The following FER variants were observed in gnomAD, a reference collection of about 807,000 sequenced individuals.
FER encodes the protein tyrosine-protein kinase Fer.
FER carries 63 observed loss-of-function variants against 111.0 expected under a neutral mutation model. The observed-to-expected ratio is 0.57, with a 90% CI of 0.46 to 0.70. The LOEUF (loss-of-function observed/expected upper bound fraction) is 0.70. FER is among the 30% of genes least tolerant of loss of function. FER has a pLI of 0.00. For missense variants in FER, 914 were observed against 954.0 expected (o/e 0.96, Z 0.55); for synonymous variants, 327 against 313.9 (o/e 1.04, Z -0.44).
intron 4 of FER, among the ~76,000 whole-genome samples, chr5:108,835,175 G>A (rs555537761): frequency 1.5e-4 from 15 of 98,616 alleles, no homozygotes; most frequent in African/African-American, 3.5e-4. Flanking sequence ...TTATTTCTTC[G>A]TTTGCGCCAC....
intron 5 of FER, among the ~76,000 whole-genome samples, chr5:108,848,080 A>C (rs556589002): frequency 6.6e-6 from 1 of 152,126 alleles, no homozygotes; most frequent in East Asian, 1.9e-4. Flanking sequence ...GGGTTTCGCC[A>C]TCTTCCCTAG....
chr5:108,888,969 A>G (rs1282272422), intron 9 of FER, among the ~76,000 whole-genome samples: 2 of 151,922 alleles, frequency 1.3e-5, no homozygotes, highest in African/African-American at 4.8e-5. Context: ...TGGTATTAAG[A>G]TAGTGTCTCT....
In FER at chr5:109,186,892, G is replaced by A. The variant is rs1472082273; in HGVS notation, c.2327-541G>A. 3.3e-5 allele frequency among the ~76,000 whole-genome samples: 5 copies of A among 152,324 alleles called. No homozygotes were observed. In the East Asian group the frequency reaches 9.6e-4, roughly 29 times the overall value. On this transcript the variant is annotated intron_variant, in intron 19 of 19. Coordinates refer to ENST00000281092, the MANE Select transcript of FER (RefSeq NM_005246.4). ...AGTGAGGGGCATGGTTGTAGAAGTG[G>A]ATGAAGGAAGATGCCTTTCTAACTT... is the stretch of plus-strand genomic sequence containing the variant.
intron 9 of FER, among the ~76,000 whole-genome samples, chr5:108,891,983 A>G (rs1404705017): frequency 1.3e-5 from 2 of 152,274 alleles, no homozygotes; most frequent in Admixed American, 6.5e-5. Context: ...TGTCCCTACA[A>G]AGGACATGAA....
rs1014124425 is a variant in FER at position 108,760,681 on chromosome 5, C to T, written c.-205-7412C>T. ...GTCTTCTGAAGCTTCCTCACCTCAC[C>T]CAGACTTCATAGAATTGAAGAGAGT... On this transcript the variant is annotated intron_variant, in intron 1 of 19. Coordinates refer to ENST00000281092, the MANE Select transcript of FER (RefSeq NM_005246.4). Among the ~76,000 whole-genome samples the T allele has an allele frequency of 9.2e-5, 14 of 152,296 alleles. No individual in the cohort carries two copies. The East Asian group carries it at 1.9e-3, about 21-fold the overall frequency.
At position 109,188,950 on chromosome 5, in the gene FER, T is replaced by G. The variant is rs1759170424; in HGVS notation, c.*1375T>G. The G allele has an allele frequency of 1.3e-5, 2 of 152,216 alleles. No individual in the cohort carries two copies. Among genetic ancestry groups the G allele is most frequent in the Admixed American group, 1.3e-4 (2 of 15,282 alleles). The allele number at this position is 152,216 out of a possible 1,614,324, so 9.4% of individuals were successfully genotyped here. ...ACACCACCAAGGTGCAAGACAGATG[T>G]GAATGAAGTAGACAGTCTAGAAGTC... On this transcript the variant is annotated 3_prime_UTR_variant, in exon 20 of 20. Transcript: ENST00000281092.
At chr5:108,800,077 A>T (rs1180575284) in intron 3 of FER, among the ~76,000 whole-genome samples, 1 of 151,916 alleles carries the variant, frequency 6.6e-6, no homozygotes, top group Non-Finnish European at 1.5e-5. Flanking sequence ...TCCTGACCTC[A>T]AATGATCTAC....
At position 109,143,883 on chromosome 5, in the gene FER, A is replaced by C. The variant is rs543449423; in HGVS notation, c.2049-36864A>C. 9.3e-5 allele frequency among the ~76,000 whole-genome samples: 14 copies of C among 150,646 alleles called. No individual in the cohort carries two copies. The East Asian group carries it at 1.9e-3, about 21-fold the overall frequency. On this transcript the variant is annotated intron_variant, in intron 17 of 19. Transcript: ENST00000281092. Reference sequence around the variant, plus strand: ...ATATATATTTATATAAAATATATATATATCTATCTTGGGGTCAGCACCTTT... The same window carrying C: ...ATATATATTTATATAAAATATATATCTATCTATCTTGGGGTCAGCACCTTT...
chr5:109,164,070 A>AG (rs1756285870), intron 17 of FER, among the ~76,000 whole-genome samples: 1 of 152,210 alleles, frequency 6.6e-6, no homozygotes. Context: ...ACATTTAAAA[A>AG]TAATGTTTGA....
intron 11 of FER, among the ~76,000 whole-genome samples, 200 bp from the exon 12 acceptor site, chr5:108,954,524 TAAAAC>T (rs1758177183): frequency 6.6e-6 from 1 of 152,068 alleles, no homozygotes; most frequent in Non-Finnish European, 1.5e-5. Flanking sequence ...GTATGATAGA[TAAAAC>T]AAAGTGTTGA....
intron 10 of FER, among the ~76,000 whole-genome samples, chr5:108,933,474 C>A (rs1015801654): frequency 6.6e-6 from 1 of 152,100 alleles, no homozygotes; most frequent in African/African-American, 2.4e-5. Flanking sequence ...GGTACCAGTA[C>A]CATGCTGTTT....
chr5:108,987,441 C>T (rs910211756), intron 13 of FER, among the ~76,000 whole-genome samples: 1 of 151,840 alleles, frequency 6.6e-6, no homozygotes, highest in Non-Finnish European at 1.5e-5. Flanking sequence ...AGCAAAACTC[C>T]ATCTCAAAAA....
intron 13 of FER, among the ~76,000 whole-genome samples, chr5:108,998,475 G>A (rs997189643): frequency 5.3e-5 from 8 of 152,096 alleles, no homozygotes; most frequent in South Asian, 2.1e-4. Flanking sequence ...TCCATTGGCC[G>A]CACCCACTGT....
chr5:109,065,394 A>G (rs890228012), intron 16 of FER, among the ~76,000 whole-genome samples: 6 of 152,212 alleles, frequency 3.9e-5, no homozygotes, highest in Admixed American at 3.9e-4. Context: ...AATAAAAGCC[A>G]TGATCTGGTC....
chr5:109,021,348 A>T (rs1767899791), intron 13 of FER, among the ~76,000 whole-genome samples: 1 of 152,044 alleles, frequency 6.6e-6, no homozygotes, highest in Non-Finnish European at 1.5e-5. Flanking sequence ...TGAAATCAAC[A>T]AACTTCTATG....
At chr5:108,806,226 C>T (rs13355571) in intron 3 of FER, among the ~76,000 whole-genome samples, 34,954 of 152,218 alleles carry the variant, frequency 0.23, 4,211 homozygotes, top group African/African-American at 0.28. Context: ...TGCCAGTGCA[C>T]AGAAGTCAAG....
intron 16 of FER, among the ~76,000 whole-genome samples, chr5:109,049,659 G>A (rs1203539845): frequency 1.3e-5 from 2 of 152,074 alleles, no homozygotes; most frequent in African/African-American, 4.8e-5. Context: ...ATTACATGCA[G>A]TGAAGCTGAA....
intron 16 of FER, among the ~76,000 whole-genome samples, chr5:109,054,843 A>G (rs117231706): frequency 0.046 from 6,965 of 152,254 alleles, 223 homozygotes; most frequent in South Asian, 0.095. Flanking sequence ...TTAAATGACT[A>G]TTCTTTCTCT....
chr5:109,059,888 T>C (rs548783672), intron 16 of FER, among the ~76,000 whole-genome samples: 1 of 152,344 alleles, frequency 6.6e-6, no homozygotes, highest in Admixed American at 6.5e-5. Context: ...TAAATGATTA[T>C]AGAAGCATCA....
Sources: gnomAD v4.1 joint callset for allele counts (sites outside exome capture counted in the v4.1 genomes callset) on GRCh38, gnomAD v4.1.1 for gene constraint, MANE v1.5 for transcripts, NCBI Gene and HGNC (gene_info 2026-07-23, HGNC 2026-07-21) for gene names.